Variants in RUNX2 observed in about 807,000 individuals in gnomAD.
RUNX2 encodes runt-related transcription factor 2.
Under a neutral mutation model 51.7 loss-of-function variants are expected in RUNX2, and 10 were observed. The ratio of observed to expected loss-of-function variants is 0.19; its 90% CI spans 0.12 to 0.33. The LOEUF (loss-of-function observed/expected upper bound fraction) is 0.33. Ranked by LOEUF, RUNX2 falls within the 10% of genes least tolerant of loss-of-function variation. The pLI is 1.00. For synonymous variants in RUNX2, 276 were observed against 273.6 expected, an observed-to-expected ratio of 1.01 and a Z score of -0.09; for missense variants, 562 against 691.3, an observed-to-expected ratio of 0.81 and a Z score of 2.10.
chr6:45,488,986 G>C (rs928365636), intron 5 of RUNX2, among the ~76,000 whole-genome samples: 2 of 152,172 alleles, frequency 1.3e-5, no homozygotes, highest in African/African-American at 4.8e-5. Context: ...CATCATTCGA[G>C]TGTTACCCTG....
At chr6:45,459,160 A>G (rs1414840970) in intron 5 of RUNX2, among the ~76,000 whole-genome samples, 1 of 152,170 alleles carries the variant, frequency 6.6e-6, no homozygotes, top group Non-Finnish European at 1.5e-5. Context: ...GCCATAAAGA[A>G]CCCCAGAGCT....
chr6:45,519,774 T>TTATA lies in RUNX2; in HGVS notation c.1021+7381_1021+7384dup, dbSNP rs1179504865. Among the ~76,000 whole-genome samples the TTATA allele has an allele frequency of 4.0e-3, 540 of 135,810 alleles. 3 individuals are homozygous for TTATA. The highest frequency in any genetic ancestry group is 0.014 in the African/African-American group (424 of 29,950). 89.1% of individuals were successfully genotyped at this position (135,810 alleles called of 152,430 possible). On this transcript the variant is annotated intron_variant, in intron 7 of 8. Coordinates refer to ENST00000647337, the MANE Select transcript of RUNX2 (RefSeq NM_001024630.4). ...ATTGCATTCCATTGGAAGGATGCTATTATATATATATATATATGTGTGTGT... is the reference window on the plus strand; with the variant it reads ...ATTGCATTCCATTGGAAGGATGCTATTATATATATATATATATATATGTGTGTGT...
intron 6 of RUNX2, among the ~76,000 whole-genome samples, chr6:45,509,119 T>C (rs865875458): frequency 6.6e-6 from 1 of 152,222 alleles, no homozygotes; most frequent in Non-Finnish European, 1.5e-5. Context: ...AGTATTATCA[T>C]CTCCATTTTG....
chr6:45,347,103 T>G (rs1791043612), intron 2 of RUNX2, among the ~76,000 whole-genome samples: 1 of 152,164 alleles, frequency 6.6e-6, no homozygotes. Context: ...CAAATATGTG[T>G]GAGTTTACTA....
At chr6:45,329,572 G>C (rs140855655) in intron 2 of RUNX2, among the ~76,000 whole-genome samples, 2 of 151,822 alleles carry the variant, frequency 1.3e-5, no homozygotes, top group Non-Finnish European at 2.9e-5. Flanking sequence ...ACACTGAAAC[G>C]TCTAAGATTC....
chr6:45,441,305 G>A (rs1426836537), intron 5 of RUNX2, among the ~76,000 whole-genome samples: 1 of 152,144 alleles, frequency 6.6e-6, no homozygotes, highest in African/African-American at 2.4e-5. Flanking sequence ...TTTGAACAAG[G>A]ACAAATTCTG....
intron 5 of RUNX2, among the ~76,000 whole-genome samples, chr6:45,484,504 C>T (rs747172680): frequency 6.6e-5 from 10 of 152,142 alleles, no homozygotes; most frequent in Admixed American, 1.3e-4. Context: ...CACTTTTCTC[C>T]GTAGTATCTT....
At chr6:45,334,932 G>A (rs936457156) in intron 2 of RUNX2, among the ~76,000 whole-genome samples, 1 of 151,162 alleles carries the variant, frequency 6.6e-6, no homozygotes, top group African/African-American at 2.4e-5. Flanking sequence ...ATCCAAAGAT[G>A]TTATTTTCCA....
At chr6:45,349,142 A>C (rs967787387) in intron 2 of RUNX2, among the ~76,000 whole-genome samples, 8 of 152,304 alleles carry the variant, frequency 5.3e-5, no homozygotes, top group South Asian at 4.1e-4. Context: ...ATTTCAATTT[A>C]GTTCTTCTAG....
At chr6:45,525,574 G>A (rs1057332442) in intron 7 of RUNX2, among the ~76,000 whole-genome samples, 1 of 152,160 alleles carries the variant, frequency 6.6e-6, no homozygotes, top group African/African-American at 2.4e-5. Context: ...CTTTAAGCGT[G>A]AACTGAGTTA....
chr6:45,488,119 T>G (rs1422861112), intron 5 of RUNX2, among the ~76,000 whole-genome samples: 1 of 151,972 alleles, frequency 6.6e-6, no homozygotes, highest in Non-Finnish European at 1.5e-5. Context: ...AATGCTAGAG[T>G]CTTAGGCCAA....
chr6:45,472,132 A>C (rs1438933896), intron 5 of RUNX2, among the ~76,000 whole-genome samples: 1 of 152,150 alleles, frequency 6.6e-6, no homozygotes, highest in Non-Finnish European at 1.5e-5. Context: ...GTTTTTAAGA[A>C]ATTTCAAGAT....
intron 3 of RUNX2, among the ~76,000 whole-genome samples, chr6:45,425,267 A>C (rs1033070282): frequency 6.6e-6 from 1 of 152,204 alleles, no homozygotes; most frequent in Non-Finnish European, 1.5e-5. Context: ...TGATTTGAAC[A>C]TGAGCATTTT....
intron 7 of RUNX2, among the ~76,000 whole-genome samples, chr6:45,537,693 T>C (rs1159475334): frequency 6.6e-6 from 1 of 152,216 alleles, no homozygotes; most frequent in Non-Finnish European, 1.5e-5. Flanking sequence ...AGCGACTGAC[T>C]AGTCTGTTAA....
At chr6:45,332,262 G>A (rs1393123687) in intron 2 of RUNX2, among the ~76,000 whole-genome samples, 1 of 151,154 alleles carries the variant, frequency 6.6e-6, no homozygotes, top group African/African-American at 2.4e-5. Context: ...TTCAAGAGCT[G>A]CTCACATGAA....
chr6:45,399,714 A>T (rs1797662374), intron 2 of RUNX2, among the ~76,000 whole-genome samples: 1 of 146,852 alleles, frequency 6.8e-6, no homozygotes, highest in South Asian at 2.4e-4. Context: ...GAAAGAAGAG[A>T]GGGAGGTAGG....
At position 45,540,136 on chromosome 6, in the gene RUNX2, TAGG is replaced by T. The variant is rs1170390370; in HGVS notation, c.1022-5078_1022-5076del. 3.3e-5 allele frequency among the ~76,000 whole-genome samples: 5 copies of T among 152,120 alleles called. No homozygotes were observed. The East Asian group carries it at 9.7e-4, about 29-fold the overall frequency. ...CTCCACCAGGAAGAGGGGCCATGCT[TAGG>T]AGCAGTGGGATATGACTTTGAAATA... On this transcript the variant is annotated intron_variant, in intron 7 of 8. Transcript: ENST00000647337.
chr6:45,461,753 T>A (rs79326128), intron 5 of RUNX2, among the ~76,000 whole-genome samples: 2 of 76,826 alleles, frequency 2.6e-5, no homozygotes, highest in Non-Finnish European at 7.1e-5. Flanking sequence ...AGGCTTACTA[T>A]TTTTTTTTTT....
chr6:45,479,375 T>C (rs1800046211), intron 5 of RUNX2, among the ~76,000 whole-genome samples: 1 of 152,222 alleles, frequency 6.6e-6, no homozygotes, highest in Admixed American at 6.5e-5. Context: ...GGTACGTTTC[T>C]ATTGCAAAGA....
Sources: gnomAD v4.1 joint callset for allele counts (sites outside exome capture counted in the v4.1 genomes callset) on GRCh38, gnomAD v4.1.1 for gene constraint, MANE v1.5 for transcripts, NCBI Gene and HGNC (gene_info 2026-07-23, HGNC 2026-07-21) for gene names.